The following POT1 variants were observed in gnomAD, a reference collection of about 807,000 sequenced individuals.
The protein encoded by POT1 is protection of telomeres 1.
A neutral mutation model predicts 78.5 loss-of-function variants in POT1; 47 were observed. The observed-to-expected ratio is 0.60, with a 90% CI of 0.47 to 0.76. POT1 has a LOEUF of 0.76. Among genes scored for constraint, POT1 ranks in the 30% least tolerant of loss-of-function variants. The pLI is 0.00. For synonymous variants in POT1, 259 were observed against 260.7 expected, an observed-to-expected ratio of 0.99 and a Z score of 0.06; for missense variants, 646 against 749.9, an observed-to-expected ratio of 0.86 and a Z score of 1.62.
intron 5 of POT1, chr7:124,892,749 G>A (rs867366048): frequency 1.3e-5 from 2 of 152,944 alleles, no homozygotes; most frequent in Non-Finnish European, 2.9e-5. Context: ...AATGCATTTT[G>A]TATTTATAAA....
chr7:124,903,804 AAAC>A (rs767446814), intron 3 of POT1, among the ~76,000 whole-genome samples: 136 of 152,322 alleles, frequency 8.9e-4, no homozygotes, highest in Non-Finnish European at 1.6e-3. Context: ...GAAAAGAATC[AAAC>A]AAATGCAATA....
At chr7:124,851,383 T>C (rs1034996696) in intron 11 of POT1, among the ~76,000 whole-genome samples, 1 of 152,186 alleles carries the variant, frequency 6.6e-6, no homozygotes, top group Non-Finnish European at 1.5e-5. Flanking sequence ...AAGTTCAGAT[T>C]TGACTAGTCA....
intron 12 of POT1, among the ~76,000 whole-genome samples, chr7:124,845,065 G>C (rs1795132833): frequency 1.3e-5 from 2 of 152,058 alleles, no homozygotes; most frequent in South Asian, 4.1e-4. Flanking sequence ...AAATCCTCCA[G>C]TATGTATTTC....
At chr7:124,855,776 A>T (rs1418384753) in intron 9 of POT1, among the ~76,000 whole-genome samples, 1 of 152,030 alleles carries the variant, frequency 6.6e-6, no homozygotes, top group African/African-American at 2.4e-5. Context: ...ATTTCCCTTT[A>T]GGTTTATTAT....
At position 124,822,645 on chromosome 7, in the gene POT1, T is replaced by C. The variant is rs993683402; in HGVS notation, c.*1317A>G. 14 of 393,442 alleles carry C rather than the reference T, an allele frequency of 3.6e-5. No individual in the cohort carries two copies. The highest frequency in any genetic ancestry group is 6.9e-5 in the Non-Finnish European group (13 of 187,396). The allele number at this position is 393,442 out of a possible 1,614,324, so 24.4% of individuals were successfully genotyped here. On this transcript the variant is annotated 3_prime_UTR_variant, in exon 19 of 19. Transcript: ENST00000357628. ...GTTCAACTGTAGGGTTTTAAAATAT[T>C]TTTCCTGAAAATGTTTTGAACCAAG...
chr7:124,917,882 G>A (rs942294179), intron 2 of POT1, among the ~76,000 whole-genome samples: 34 of 152,272 alleles, frequency 2.2e-4, no homozygotes, highest in African/African-American at 7.7e-4. Flanking sequence ...ACCTGGAGAA[G>A]AAAACTCTAG....
intron 6 of POT1, among the ~76,000 whole-genome samples, chr7:124,882,920 G>A (rs1161541778): frequency 2.0e-5 from 3 of 152,050 alleles, no homozygotes; most frequent in Admixed American, 6.6e-5. Flanking sequence ...AAAGTGAAGT[G>A]ATAGGGAGAG....
At chr7:124,920,834 G>C (rs776596164) in intron 2 of POT1, among the ~76,000 whole-genome samples, 2 of 152,120 alleles carry the variant, frequency 1.3e-5, no homozygotes, top group South Asian at 4.1e-4. Flanking sequence ...GCTCATGCCT[G>C]TAATCCCAGC....
At position 124,911,782 on chromosome 7, in the gene POT1, A is replaced by T. The variant is rs1446856074; in HGVS notation, c.-154+3792T>A. Among the ~76,000 whole-genome samples the T allele has an allele frequency of 2.0e-5, 3 of 152,298 alleles. No homozygotes were observed. In the East Asian group the frequency reaches 5.8e-4, roughly 29 times the overall value. On this transcript the variant is annotated intron_variant, in intron 3 of 18. Coordinates refer to ENST00000357628, the MANE Select transcript of POT1 (RefSeq NM_015450.3). ...CACAAAATTCTTGTAACAAGGAAAT[A>T]AAAGCAGATGTTCTAACAGCTTGCT...
At chr7:124,829,699 G>GATCTATATCTAT (rs60869743) in intron 15 of POT1, among the ~76,000 whole-genome samples, 6,600 of 148,516 alleles carry the variant, frequency 0.044, 179 homozygotes, top group East Asian at 0.071. Context: ...CTGATTCTAT[G>GATCTATATCTAT]ATCTATATCT....
At chr7:124,897,120 C>T in intron 5 of POT1, 45 bp downstream of exon 5, 11 of 1,266,076 alleles carry the variant, frequency 8.7e-6, no homozygotes, top group African/African-American at 1.5e-5. Context: ...GTGGCATATA[C>T]AGGTATAGGT....
intron 3 of POT1, among the ~76,000 whole-genome samples, chr7:124,904,752 G>A (rs900900173): frequency 9.2e-5 from 14 of 152,068 alleles, no homozygotes; most frequent in African/African-American, 3.1e-4. Flanking sequence ...AAACCCCATC[G>A]GTCTCAGCTC....
At chr7:124,874,168 C>T (rs544647009) in intron 6 of POT1, among the ~76,000 whole-genome samples, 1 of 152,310 alleles carries the variant, frequency 6.6e-6, no homozygotes, top group East Asian at 1.9e-4. Context: ...AGTGGTAAGA[C>T]TTCTCATGTT....
chr7:124,836,152 A>C (rs1187768849), intron 14 of POT1, among the ~76,000 whole-genome samples: 1 of 152,208 alleles, frequency 6.6e-6, no homozygotes, highest in Non-Finnish European at 1.5e-5. Flanking sequence ...AGGACATCCA[A>C]AGACACACTT....
At chr7:124,838,280 T>C (rs563584993) in intron 14 of POT1, among the ~76,000 whole-genome samples, 4 of 151,938 alleles carry the variant, frequency 2.6e-5, no homozygotes, top group South Asian at 4.1e-4. Flanking sequence ...AACAAAAAAA[T>C]TCCTGAAATA....
chr7:124,860,296 A>T (rs572146525), intron 8 of POT1, among the ~76,000 whole-genome samples: 1 of 152,100 alleles, frequency 6.6e-6, no homozygotes, highest in Non-Finnish European at 1.5e-5. Context: ...TTCTATCTCA[A>T]CAAGTGTATG....
At chr7:124,883,100 G>C (rs1796159773) in intron 6 of POT1, among the ~76,000 whole-genome samples, 1 of 151,974 alleles carries the variant, frequency 6.6e-6, no homozygotes. Flanking sequence ...AGGCAGTTAA[G>C]CATCTGGGAA....
At chr7:124,855,218 C>CAAAAAAAAAAAAAAAAAAAAAAAAAA (rs550056711) in intron 9 of POT1, among the ~76,000 whole-genome samples, 3 of 52,492 alleles carry the variant, frequency 5.7e-5, no homozygotes, top group Non-Finnish European at 1.0e-4. Context: ...GAGAGGAGAG[C>CAAAAAAAAAAAAAAAAAAAAAAAAAA]AAAAAAAAAA....
chr7:124,865,126 T>C (rs1019564011), intron 7 of POT1, among the ~76,000 whole-genome samples: 1 of 152,174 alleles, frequency 6.6e-6, no homozygotes, highest in African/African-American at 2.4e-5. Flanking sequence ...ATATAAAACT[T>C]ACTTCTTTGT....
Sources: allele counts gnomAD v4.1 joint callset (sites outside exome capture counted in the v4.1 genomes callset), GRCh38; gene constraint gnomAD v4.1.1; transcripts MANE v1.5; gene names NCBI Gene and HGNC (gene_info 2026-07-23, HGNC 2026-07-21).